The following RAB37 variants were observed in gnomAD, a reference collection of about 807,000 sequenced individuals.
RAB37 encodes ras-related protein Rab-37.
In RAB37, 29 loss-of-function variants were observed where a neutral mutation model predicts 33.1. The ratio of observed to expected loss-of-function variants is 0.88; its 90% confidence interval spans 0.65 to 1.20. The LOEUF (loss-of-function observed/expected upper bound fraction) is 1.20, where lower values mean the gene tolerates loss of function less well. Ranked by LOEUF, RAB37 falls within the 50% of genes most tolerant of loss-of-function variation. The pLI is 0.00. For synonymous variants in RAB37, 128 were observed against 119.5 expected (o/e 1.07, Z -0.47); for missense variants, 299 against 301.1 (o/e 0.99, Z 0.05).
intron 1 of RAB37, among the ~76,000 whole-genome samples, chr17:74,708,314 C>T (rs970113198): frequency 6.6e-6 from 1 of 152,068 alleles, no homozygotes; most frequent in Non-Finnish European, 1.5e-5. Context: ...CAGACCCATA[C>T]AGCTTCAATG....
chr17:74,719,464 TAAATA>T (rs1267363623), intron 1 of RAB37, among the ~76,000 whole-genome samples: 1 of 152,130 alleles, frequency 6.6e-6, no homozygotes, highest in African/African-American at 2.4e-5. Flanking sequence ...AAAAAATAAA[TAAATA>T]AAATAAAATA....
rs573025197 is a variant in RAB37, at chr17:74,681,075, A to G, written c.72+9417A>G. Among the ~76,000 whole-genome samples, 21 of 152,360 alleles carry G rather than the reference A, an allele frequency of 1.4e-4. No individual in the cohort carries two copies. In the East Asian group the frequency reaches 4.0e-3, roughly 29 times the overall value. Reference sequence around the variant, plus strand: ...AACAAAACCCACTCTTCATTCCCCAAGGAGCTGCGTCCAGCAGGCTGGGTG... The same window carrying G: ...AACAAAACCCACTCTTCATTCCCCAGGGAGCTGCGTCCAGCAGGCTGGGTG... On this transcript the variant is annotated intron_variant, in intron 1 of 7. Transcript: ENST00000340415.
chr17:74,682,319 A>ACTCTCTGT (rs2031971010), intron 1 of RAB37, among the ~76,000 whole-genome samples: 1 of 150,534 alleles, frequency 6.6e-6, no homozygotes, highest in South Asian at 2.1e-4. Flanking sequence ...CTTCGGCCTC[A>ACTCTCTGT]CTCTCTGTCT....
In RAB37 at chr17:74,738,310, C is replaced by T. The variant is rs2034529010; in HGVS notation, c.93+945C>T. ...CCTTGCTGGGAGCCTCAGCCTCCAC[C>T]CCAGTGTTTCGGGGGAAGCCACCCT... On this transcript the variant is annotated intron_variant, in intron 1 of 8. Transcript: ENST00000392613. This position sits in a 1 kb window ranked among gnomAD's most constrained non-coding sequence, Gnocchi z 5.0. Among the ~76,000 whole-genome samples, 1 of 152,206 alleles carries T rather than the reference C, an allele frequency of 6.6e-6. No homozygotes were observed.
intron 1 of RAB37, among the ~76,000 whole-genome samples, chr17:74,728,978 GTGTA>G (rs1299370942): frequency 6.6e-6 from 1 of 151,686 alleles, no homozygotes; most frequent in African/African-American, 2.4e-5. Context: ...ATGTGTGTAC[GTGTA>G]TGTGTGTGCT....
chr17:74,743,308 A>G lies in RAB37; in HGVS notation c.334A>G (p.Ile112Val). The change falls in exon 5 of 9, where the codon ATC becomes GTC. Residue 112 changes from isoleucine (I) to valine (V), a missense_variant. Physicochemically the swap from Ile to Val is conservative, Grantham distance 29 (BLOSUM62 3). Transcript: ENST00000392613. ...TCCAGCCTTGCTTCTGCTGTATGACATCACCAACAAATCTTCTTTCGACAA... is the reference window on the plus strand; with the variant it reads ...TCCAGCCTTGCTTCTGCTGTATGACGTCACCAACAAATCTTCTTTCGACAA... The part of the protein sequence containing the change: ...DAQALLLLYD[I>V]TNKSSFDNIR... The G allele has an allele frequency of 6.2e-7, 1 of 1,613,998 alleles. No individual in the cohort carries two copies. Among genetic ancestry groups the G allele is most frequent in the Non-Finnish European group, 8.5e-7 (1 of 1,179,986 alleles).
intron 1 of RAB37, among the ~76,000 whole-genome samples, chr17:74,722,953 A>G (rs2034260733): frequency 6.6e-6 from 1 of 152,234 alleles, no homozygotes. Context: ...TCCCTGAATA[A>G]TAAAGTCACA....
Position 74,744,503 on chromosome 17 carries a change from C to G in RAB37, c.432+130C>G. 1 of 857,508 alleles carries G rather than the reference C, an allele frequency of 1.2e-6. No homozygotes were observed. Among genetic ancestry groups the G allele is most frequent in the South Asian group, 1.5e-5 (1 of 68,872 alleles). 53.1% of individuals were successfully genotyped at this position (857,508 alleles called of 1,614,324 possible). ...ACTCTGCAGCCTCCAGCTCAGGGGT[C>G]AGACATATCTGGAGGCTTCTGCCCA... is the stretch of plus-strand genomic sequence containing the variant. On this transcript the variant is annotated intron_variant, in intron 6 of 8. Coordinates refer to ENST00000392613, the MANE Select transcript of RAB37 (RefSeq NM_001006638.3). This position sits in a 1 kb window ranked among gnomAD's most constrained non-coding sequence, Gnocchi z 4.2.
At chr17:74,713,733 G>T (rs1462191297) in intron 1 of RAB37, among the ~76,000 whole-genome samples, 2 of 151,870 alleles carry the variant, frequency 1.3e-5, no homozygotes, top group Non-Finnish European at 2.9e-5. Flanking sequence ...CAGACCAAAG[G>T]TTGGAAGGCA....
At position 74,745,002 on chromosome 17, in the gene RAB37, G is replaced by C. The variant is rs367935252; in HGVS notation, c.490-6G>C. ...GCTGGCCCTGAGGACACTCTCTCCC[G>C]GGCAGGAGTACGGTGTTCCCTTCCT... On this transcript the variant is annotated splice_polypyrimidine_tract_variant and splice_region_variant and intron_variant, in intron 7 of 8. Transcript: ENST00000392613. The surrounding 1 kb of genome is among the most constrained non-coding windows in gnomAD (Gnocchi z 4.5). 1.2e-6 allele frequency: 2 copies of C among 1,614,240 alleles called. No homozygotes were observed. Among genetic ancestry groups the C allele is most frequent in the Non-Finnish European group, 1.7e-6 (2 of 1,180,038 alleles).
At chr17:74,722,119 C>T (rs1212161554) in intron 1 of RAB37, among the ~76,000 whole-genome samples, 1 of 151,642 alleles carries the variant, frequency 6.6e-6, no homozygotes, top group Non-Finnish European at 1.5e-5. Flanking sequence ...CCATCTCTAC[C>T]AAAAATACAA....
At chr17:74,691,461 T>C (rs1326852626) in intron 1 of RAB37, among the ~76,000 whole-genome samples, 1 of 152,170 alleles carries the variant, frequency 6.6e-6, no homozygotes, top group Non-Finnish European at 1.5e-5. Flanking sequence ...TGAGCCACCA[T>C]GCCCGGCCTG....
At position 74,724,524 on chromosome 17, in the gene RAB37, C is replaced by T. The variant is rs1385647261; in HGVS notation, c.73-4732C>T. ...TGTCTCATGTGTCCGTGTGAAGAGA[C>T]CACCAAACAGGCTTTGTGTGAGCAA... On this transcript the variant is annotated intron_variant, in intron 1 of 7. Coordinates refer to the RAB37 transcript ENST00000340415. 6.6e-5 allele frequency among the ~76,000 whole-genome samples: 10 copies of T among 152,294 alleles called. No individual in the cohort carries two copies. The East Asian group carries it at 1.5e-3, about 24-fold the overall frequency.
intron 1 of RAB37, chr17:74,705,203 C>G (rs1369842827): frequency 1.4e-6 from 1 of 702,046 alleles, no homozygotes; most frequent in East Asian, 2.7e-5. Context: ...CAGGGTCTTA[C>G]CTTGACTCTT....
intron 1 of RAB37, among the ~76,000 whole-genome samples, chr17:74,697,350 C>A (rs1198376788): frequency 1.3e-5 from 2 of 152,152 alleles, no homozygotes; most frequent in Admixed American, 1.3e-4. Context: ...GCCCTAGGGA[C>A]AACAAAGAAA....
At chr17:74,708,965 C>G (rs985467138) in intron 1 of RAB37, among the ~76,000 whole-genome samples, 1 of 150,510 alleles carries the variant, frequency 6.6e-6, no homozygotes, top group Non-Finnish European at 1.5e-5. Flanking sequence ...TGGTTTACAC[C>G]TGCAATCCCA....
At chr17:74,716,323 T>C (rs551299633) in intron 1 of RAB37, among the ~76,000 whole-genome samples, 3 of 152,312 alleles carry the variant, frequency 2.0e-5, no homozygotes, top group Admixed American at 6.5e-5. Flanking sequence ...TGTACGTGAA[T>C]GGTTGAACCT....
Position 74,698,457 on chromosome 17 carries a change from G to A in RAB37, c.72+26799G>A, listed in dbSNP as rs762552278. On this transcript the variant is annotated intron_variant, in intron 1 of 7. Transcript: ENST00000340415. Reference sequence around the variant, plus strand: ...ATATGGTGAAGATGAGGGGCAGGAGGACACTGAGCTTCAGGAGCTTGTGCC... The same window carrying A: ...ATATGGTGAAGATGAGGGGCAGGAGAACACTGAGCTTCAGGAGCTTGTGCC... The A allele has an allele frequency of 3.1e-6, 5 of 1,613,812 alleles. No individual in the cohort carries two copies. In the Admixed American group the frequency reaches 8.3e-5, roughly 27 times the overall value.
At chr17:74,736,721 T>A, upstream of RAB37, 2 of 1,535,710 alleles carry the variant, frequency 1.3e-6, no homozygotes, top group Non-Finnish European at 8.7e-7. Context: ...GCAGCGTACA[T>A]GTGCTGCAAG....
Sources: gnomAD v4.1 joint callset for allele counts (sites outside exome capture counted in the v4.1 genomes callset) on GRCh38, gnomAD v4.1.1 for gene constraint, Gnocchi (gnomAD v3.1) non-coding constraint, MANE v1.5 for transcripts, NCBI Gene and HGNC (gene_info 2026-07-23, HGNC 2026-07-21) for gene names.